Variants in SYT1 observed in about 807,000 individuals in gnomAD.
The protein encoded by SYT1 is synaptotagmin 1.
In SYT1, 8 loss-of-function variants were observed where a neutral mutation model predicts 44.8. That is an observed-to-expected ratio of 0.18 (90% CI 0.10 to 0.32). The LOEUF is 0.32. Among genes scored for constraint, SYT1 ranks in the 10% least tolerant of loss-of-function variants. The pLI is 1.00. For synonymous variants in SYT1, 154 were observed against 188.8 expected (o/e 0.82, Z 1.51); for missense variants, 286 against 509.3 (o/e 0.56, Z 4.22).
intron 3 of SYT1, among the ~76,000 whole-genome samples, chr12:79,213,119 G>T (rs971057592): frequency 1.6e-4 from 25 of 152,218 alleles, no homozygotes; most frequent in African/African-American, 5.8e-4. Flanking sequence ...ACACAACTTT[G>T]AGATACAACT....
rs753219411 is a variant in SYT1 at position 79,363,762 on chromosome 12, A to C, written c.928+10143A>C. ...AAAAAAAAAAAAATTGTACTTTATT[A>C]TAATCACTTCTGCTTCCAAAAGTAT... On this transcript the variant is annotated intron_variant, in intron 9 of 10. Coordinates refer to ENST00000261205, the MANE Select transcript of SYT1 (RefSeq NM_005639.3). 4.5e-4 allele frequency among the ~76,000 whole-genome samples: 69 copies of C among 151,944 alleles called. 2 individuals carry two copies. The highest frequency in any genetic ancestry group is 9.0e-4 in the Non-Finnish European group (61 of 67,962).
intron 3 of SYT1, among the ~76,000 whole-genome samples, chr12:79,162,426 G>A (rs1464479168): frequency 4.6e-5 from 7 of 152,002 alleles, no homozygotes; most frequent in African/African-American, 1.7e-4. Context: ...TTCCTTCAAC[G>A]GTTTATGTTG....
chr12:79,349,600 C>A (rs561109227), intron 8 of SYT1, among the ~76,000 whole-genome samples: 2 of 152,140 alleles, frequency 1.3e-5, no homozygotes, highest in South Asian at 4.1e-4. Context: ...ACCTCGTTCA[C>A]AGGGCTATTC....
intron 4 of SYT1, among the ~76,000 whole-genome samples, chr12:79,271,844 C>T (rs991706406): frequency 3.3e-5 from 5 of 152,060 alleles, no homozygotes; most frequent in South Asian, 2.1e-4. Flanking sequence ...AGATTTAAGT[C>T]GGTGAGAAAA....
intron 8 of SYT1, among the ~76,000 whole-genome samples, chr12:79,344,125 C>A (rs757209421): frequency 1.3e-5 from 2 of 152,154 alleles, no homozygotes; most frequent in East Asian, 3.9e-4. Flanking sequence ...AGGTGGATCC[C>A]GATGGTTAAG....
At chr12:79,243,839 A>G (rs968509920) in intron 4 of SYT1, among the ~76,000 whole-genome samples, 2 of 151,882 alleles carry the variant, frequency 1.3e-5, no homozygotes, top group Admixed American at 6.6e-5. Context: ...GAGAGGAAGA[A>G]AAAAGGAAGA....
rs1870999700 is a variant in SYT1 at position 79,450,561 on chromosome 12, A to C, written c.*1437A>C. ...CTACTAGTCATTCCATAAGAGTCTT[A>C]AAGGACTGCTCTGTGTAACACTGTG... On this transcript the variant is annotated 3_prime_UTR_variant, in exon 11 of 11. Coordinates refer to ENST00000261205, the MANE Select transcript of SYT1 (RefSeq NM_005639.3). The C allele has an allele frequency of 6.6e-6, 1 of 152,584 alleles. No individual in the cohort carries two copies. The highest frequency in any genetic ancestry group is 1.5e-5 in the Non-Finnish European group (1 of 68,034). The allele number at this position is 152,584 out of a possible 1,614,324, so 9.5% of individuals were successfully genotyped here. A position where few individuals can be genotyped will look rare whatever the true frequency, so the allele number is the denominator to read the frequency against.
In SYT1 at chr12:78,997,462, T is replaced by A. The variant is rs193204956; in HGVS notation, c.-84+19531T>A. Among the ~76,000 whole-genome samples the A allele has an allele frequency of 5.8e-4, 88 of 152,290 alleles. 1 individual carries two copies. The East Asian group carries it at 0.016, about 27-fold the overall frequency. ...TTCTTGACAGCTAGATATTAAATAA[T>A]TATGCCTTGAGAGTAGGTGGTAATA... On this transcript the variant is annotated intron_variant, in intron 2 of 10. Transcript: ENST00000261205.
At chr12:78,882,061 G>C (rs186080376) in intron 1 of SYT1, among the ~76,000 whole-genome samples, 2 of 151,792 alleles carry the variant, frequency 1.3e-5, no homozygotes, top group Admixed American at 1.3e-4. Context: ...AAGCCACTAA[G>C]AACATAAACC....
intron 3 of SYT1, among the ~76,000 whole-genome samples, chr12:79,162,406 A>G (rs1336537972): frequency 1.3e-5 from 2 of 152,158 alleles, no homozygotes; most frequent in African/African-American, 2.4e-5. Flanking sequence ...TCGAAATTTA[A>G]TATTTCCAAT....
rs1184712900 is a variant in SYT1 at position 79,179,433 on chromosome 12, T to TATAGAG, written c.-17-38067_-17-38066insGAGATA. ...ATAGATATAGATATATCTATATAGATATATCCATATAGATATAGATATAAT... is the reference window on the plus strand; with the variant it reads ...ATAGATATAGATATATCTATATAGATATAGAGATATCCATATAGATATAGATATAAT... On this transcript the variant is annotated intron_variant, in intron 3 of 10. Coordinates refer to ENST00000261205, the MANE Select transcript of SYT1 (RefSeq NM_005639.3). 3.6e-4 allele frequency among the ~76,000 whole-genome samples: 30 copies of TATAGAG among 84,282 alleles called. 3 individuals are homozygous for TATAGAG. The highest frequency in any genetic ancestry group is 1.5e-3 in the African/African-American group (27 of 17,708). The allele number at this position is 84,282 out of a possible 152,430, so 55.3% of individuals were successfully genotyped here. A position where few individuals can be genotyped will look rare whatever the true frequency, so the allele number is the denominator to read the frequency against.
At chr12:78,944,572 AG>A (rs2137266250) in intron 1 of SYT1, among the ~76,000 whole-genome samples, 1 of 152,266 alleles carries the variant, frequency 6.6e-6, no homozygotes, top group Admixed American at 6.5e-5. Context: ...ATTATTCAAA[AG>A]ACAGGTTACT....
intron 3 of SYT1, among the ~76,000 whole-genome samples, chr12:79,189,858 C>G (rs569398768): frequency 1.3e-5 from 2 of 152,126 alleles, no homozygotes; most frequent in African/African-American, 2.4e-5. Flanking sequence ...GAGCTGAGAT[C>G]GTGCCACTGC....
intron 1 of SYT1, among the ~76,000 whole-genome samples, chr12:78,962,325 ATTCT>A (rs745880759): frequency 1.1e-3 from 159 of 144,612 alleles, no homozygotes; most frequent in Middle Eastern, 7.4e-3. Context: ...ATTCAATAGC[ATTCT>A]TTCTTTTTTT....
chr12:79,180,537 G>C (rs1018466325), intron 3 of SYT1, among the ~76,000 whole-genome samples: 1 of 151,782 alleles, frequency 6.6e-6, no homozygotes, highest in African/African-American at 2.4e-5. Flanking sequence ...TGTACAGATA[G>C]CATAATGCTG....
In SYT1 at chr12:78,936,036, G is replaced by C. The variant is rs1457316584; in HGVS notation, c.-216-41763G>C. 2.0e-5 allele frequency among the ~76,000 whole-genome samples: 3 copies of C among 151,900 alleles called. No homozygotes were observed. In the East Asian group the frequency reaches 5.8e-4, roughly 29 times the overall value. On this transcript the variant is annotated intron_variant, in intron 1 of 10. Transcript: ENST00000261205. ...AATCTTATAGCCAAGGCAAGCCTTT[G>C]GATATAAGATTTTTAAAAGCTTGGA...
intron 3 of SYT1, among the ~76,000 whole-genome samples, chr12:79,134,604 G>A (rs1027781256): frequency 3.9e-5 from 6 of 152,110 alleles, no homozygotes; most frequent in African/African-American, 1.4e-4. Context: ...TTAATAGTAT[G>A]TTACTTGGTT....
At chr12:78,913,055 A>G (rs1230621155) in intron 1 of SYT1, among the ~76,000 whole-genome samples, 1 of 151,904 alleles carries the variant, frequency 6.6e-6, no homozygotes, top group Non-Finnish European at 1.5e-5. Flanking sequence ...TAAATAGAAC[A>G]TTTCAACTTT....
intron 1 of SYT1, among the ~76,000 whole-genome samples, chr12:78,953,534 A>C (rs1238655660): frequency 6.6e-6 from 1 of 152,080 alleles, no homozygotes; most frequent in Admixed American, 6.6e-5. Flanking sequence ...GCCCCGTTTA[A>C]GGAGCTTTGA....
Sources: allele counts gnomAD v4.1 joint callset (sites outside exome capture counted in the v4.1 genomes callset), GRCh38; gene constraint gnomAD v4.1.1; transcripts MANE v1.5; gene names NCBI Gene and HGNC (gene_info 2026-07-23, HGNC 2026-07-21).